ARL13B: variants seen among roughly 807,000 people sequenced by gnomAD.
ARL13B encodes the protein ADP-ribosylation factor-like protein 13B.
Under a neutral mutation model 56.1 loss-of-function variants are expected in ARL13B, and 36 were observed. The ratio of observed to expected loss-of-function variants is 0.64; its 90% CI spans 0.49 to 0.85. The LOEUF is 0.85. Ranked by LOEUF, ARL13B falls within the 40% of genes least tolerant of loss-of-function variation. The pLI is 0.00. For synonymous variants in ARL13B, 178 were observed against 171.1 expected, an observed-to-expected ratio of 1.04 and a Z score of -0.32; for missense variants, 519 against 507.1, an observed-to-expected ratio of 1.02 and a Z score of -0.23.
chr3:93,982,104 T>C (rs1213209014), intron 1 of ARL13B, among the ~76,000 whole-genome samples: 1 of 152,216 alleles, frequency 6.6e-6, no homozygotes, highest in East Asian at 1.9e-4. Flanking sequence ...AGTGAAAACG[T>C]GTAATTCGAA....
At chr3:94,043,807 G>A (rs768933300) in intron 7 of ARL13B, among the ~76,000 whole-genome samples, 41 of 145,774 alleles carry the variant, frequency 2.8e-4, no homozygotes, top group Non-Finnish European at 4.5e-4. Context: ...CCAGGCACGC[G>A]CCGCCACTCC....
chr3:94,031,515 A>G (rs1304856665), intron 3 of ARL13B, among the ~76,000 whole-genome samples: 2 of 152,136 alleles, frequency 1.3e-5, no homozygotes, highest in Non-Finnish European at 2.9e-5. Flanking sequence ...AGTTGTACCA[A>G]AAGGGTCCAA....
chr3:93,985,628 A>G (rs541760254), intron 1 of ARL13B, among the ~76,000 whole-genome samples: 160 of 152,326 alleles, frequency 1.1e-3, no homozygotes, highest in South Asian at 2.1e-3. Context: ...GAAAGATATA[A>G]TAAGTACCAT....
At chr3:93,998,844 C>A (rs1369425169) in intron 2 of ARL13B, among the ~76,000 whole-genome samples, 1 of 151,518 alleles carries the variant, frequency 6.6e-6, no homozygotes, top group Admixed American at 6.6e-5. Context: ...TTAGGCCATG[C>A]GCCTAGGTCT....
Position 94,001,422 on chromosome 3 carries a change from TC to T in ARL13B, c.131-2236del, listed in dbSNP as rs551790635. Among the ~76,000 whole-genome samples the T allele has an allele frequency of 2.9e-3, 443 of 152,230 alleles. 1 individual carries two copies. Among genetic ancestry groups the T allele is most frequent in the Non-Finnish European group, 5.4e-3 (369 of 68,000 alleles). ...TTGCTCCCTCTGCCTAAAATATAGT[TC>T]TCCCTTCTCTGTTACAATTATGTAG... On this transcript the variant is annotated intron_variant, in intron 2 of 9. Coordinates refer to ENST00000394222, the MANE Select transcript of ARL13B (RefSeq NM_001174150.2).
intron 7 of ARL13B, among the ~76,000 whole-genome samples, chr3:94,044,328 G>T (rs1473523636): frequency 6.8e-6 from 1 of 146,148 alleles, no homozygotes; most frequent in Non-Finnish European, 1.5e-5. Context: ...GGTGAGGAGC[G>T]CCTCTGCCCG....
intron 7 of ARL13B, chr3:94,047,912 T>C (rs747024341): frequency 2.6e-5 from 4 of 152,130 alleles, no homozygotes; most frequent in Admixed American, 6.6e-5. Context: ...CTAAGTGTGA[T>C]TGTATTTTTT....
At chr3:94,035,131 G>T (rs1042145104) in intron 3 of ARL13B, among the ~76,000 whole-genome samples, 200 bp from the exon 4 acceptor site, 1 of 152,014 alleles carries the variant, frequency 6.6e-6, no homozygotes, top group African/African-American at 2.4e-5. Context: ...CAGCTACTCT[G>T]GAGGCTGAGG....
At position 93,980,427 on chromosome 3, in the gene ARL13B, T is replaced by G. The variant is rs1402884844; in HGVS notation, c.4T>G (p.Phe2Val). The G allele has an allele frequency of 3.1e-6, 5 of 1,612,498 alleles. No individual in the cohort carries two copies. Among genetic ancestry groups the G allele is most frequent in the Non-Finnish European group, 4.2e-6 (5 of 1,179,962 alleles). ...GTGGTGGGAGGAGCGACCCGGGATG[T>G]TCAGTCTGATGGCCAGTTGCTGCGG... M[F>V]SLMASCCGWF... Residue 2 changes from phenylalanine to valine, a missense_variant, in exon 1 of 10, where the codon TTC (phenylalanine) becomes GTC (valine). Physicochemically the swap from Phe to Val is conservative, Grantham distance 50. Transcript: ENST00000394222.
intron 1 of ARL13B, 125 bp downstream of exon 1, chr3:93,980,607 C>T (rs1294423860): frequency 2.6e-6 from 3 of 1,171,890 alleles, no homozygotes; most frequent in Non-Finnish European, 3.6e-6. Context: ...TGCTTTCATT[C>T]CCAGGGTGTC....
At chr3:94,003,538 T>TA (rs2076086505) in intron 2 of ARL13B, 121 bp from the exon 3 acceptor site, 4 of 1,137,488 alleles carry the variant, frequency 3.5e-6, no homozygotes, top group Non-Finnish European at 5.0e-6. Flanking sequence ...TGCTTCAAAA[T>TA]AATGTTTATT....
At chr3:94,032,490 G>C (rs1224272575) in intron 3 of ARL13B, among the ~76,000 whole-genome samples, 1 of 151,998 alleles carries the variant, frequency 6.6e-6, no homozygotes. Flanking sequence ...AAACAGTATG[G>C]AGATTTCTTT....
chr3:94,000,775 TA>T (rs2076042372), intron 2 of ARL13B, among the ~76,000 whole-genome samples: 1 of 152,276 alleles, frequency 6.6e-6, no homozygotes, highest in African/African-American at 2.4e-5. Context: ...ATTGATTGTA[TA>T]TTTGCATTTT....
chr3:93,995,639 G>C (rs2075953554), intron 1 of ARL13B, among the ~76,000 whole-genome samples: 1 of 151,936 alleles, frequency 6.6e-6, no homozygotes, highest in African/African-American at 2.4e-5. Context: ...ATTATCTATT[G>C]TAGAGTTTTA....
At chr3:93,995,743 T>G in intron 1 of ARL13B, 131 bp from the exon 2 acceptor site, 2 of 771,320 alleles carry the variant, frequency 2.6e-6, no homozygotes, top group South Asian at 3.4e-5. Context: ...TTGTACTCCC[T>G]AGCATCCAAC....
intron 7 of ARL13B, among the ~76,000 whole-genome samples, chr3:94,047,060 T>C (rs2076995824): frequency 6.6e-6 from 1 of 152,188 alleles, no homozygotes; most frequent in Admixed American, 6.6e-5. Flanking sequence ...ATTGTCTTTA[T>C]TCACAAGATT....
Position 93,980,412 on chromosome 3 carries a change from G to A in ARL13B, c.-12G>A, listed in dbSNP as rs1197655754. 5.0e-6 allele frequency: 8 copies of A among 1,611,832 alleles called. No homozygotes were observed. The highest frequency in any genetic ancestry group is 2.2e-5 in the East Asian group (1 of 44,848). On this transcript the variant is annotated 5_prime_UTR_variant, in exon 1 of 10. Transcript: ENST00000394222. Reference sequence around the variant, plus strand: ...GGGCTCGGATGGGAAGTGGTGGGAGGAGCGACCCGGGATGTTCAGTCTGAT... The same window carrying A: ...GGGCTCGGATGGGAAGTGGTGGGAGAAGCGACCCGGGATGTTCAGTCTGAT...
intron 3 of ARL13B, among the ~76,000 whole-genome samples, chr3:94,026,638 A>C (rs1324446933): frequency 6.6e-6 from 1 of 152,220 alleles, no homozygotes; most frequent in Non-Finnish European, 1.5e-5. Flanking sequence ...TCATATAAGC[A>C]TAAAATATGA....
chr3:94,053,430 T>C lies in ARL13B; in HGVS notation c.*167T>C. The stretch of plus-strand genomic sequence containing the variant: ...ACCTGACTTGATAATTACTTATTTG[T>C]GTTTTTCATGGTTAAAAAAATAAAA... On this transcript the variant is annotated 3_prime_UTR_variant, in exon 10 of 10. Transcript: ENST00000394222. The C allele has an allele frequency of 1.4e-6, 1 of 726,422 alleles. No individual in the cohort carries two copies. The highest frequency in any genetic ancestry group is 2.4e-6 in the Non-Finnish European group (1 of 410,926). The allele number at this position is 726,422 out of a possible 1,614,324, so 45.0% of individuals were successfully genotyped here. A position where few individuals can be genotyped will look rare whatever the true frequency, so the allele number is the denominator to read the frequency against.
Sources: allele counts gnomAD v4.1 joint callset (sites outside exome capture counted in the v4.1 genomes callset), GRCh38; gene constraint gnomAD v4.1.1; transcripts MANE v1.5; gene names NCBI Gene and HGNC (gene_info 2026-07-23, HGNC 2026-07-21).